The following GPHN variants were observed in gnomAD, a reference collection of about 807,000 sequenced individuals.
GPHN encodes gephyrin.
In GPHN, 17 loss-of-function variants were observed where a neutral mutation model predicts 95.5. That is an observed-to-expected ratio of 0.18 (90% confidence interval 0.12 to 0.27). The LOEUF (loss-of-function observed/expected upper bound fraction) is 0.27. Among genes scored for constraint, GPHN ranks in the 10% least tolerant of loss-of-function variants. The pLI, the probability that GPHN is intolerant of heterozygous loss-of-function variation, is 1.00. For synonymous variants in GPHN, 320 were observed against 322.5 expected (o/e 0.99, Z 0.08); for missense variants, 660 against 978.1 (o/e 0.67, Z 4.34).
chr14:67,724,110 T>A, the GPHN span, among the ~76,000 whole-genome samples: 1 of 120,648 alleles, frequency 8.3e-6, no homozygotes, highest in South Asian at 4.6e-4. Flanking sequence ...CATGCATATG[T>A]TTTGAATGTA....
the GPHN span, chr14:67,653,400 G>A: frequency 6.9e-6 from 11 of 1,592,974 alleles, no homozygotes; most frequent in Non-Finnish European, 9.5e-6. Context: ...GAAAGCCACT[G>A]AGTTAAGAGA....
At chr14:67,724,552 G>A in the GPHN span, 1 of 1,613,984 alleles carries the variant, frequency 6.2e-7, no homozygotes, top group Admixed American at 1.7e-5. Context: ...CGCCAACACG[G>A]GCATTGGCAA....
the GPHN span, among the ~76,000 whole-genome samples, chr14:67,267,314 A>C: frequency 6.6e-6 from 1 of 151,950 alleles, no homozygotes; most frequent in East Asian, 1.9e-4. Flanking sequence ...GCTGGAGTGC[A>C]ATGGTGCAAT....
intron 8 of GPHN, among the ~76,000 whole-genome samples, chr14:66,942,868 A>C (rs1306440003): frequency 6.6e-6 from 1 of 152,202 alleles, no homozygotes; most frequent in East Asian, 1.9e-4. Flanking sequence ...TATTAAATAT[A>C]TTAGAGGTTT....
chr14:66,960,766 C>T (rs1170585160), intron 8 of GPHN, among the ~76,000 whole-genome samples: 2 of 152,022 alleles, frequency 1.3e-5, no homozygotes, highest in Non-Finnish European at 2.9e-5. Flanking sequence ...AGAATAGAAC[C>T]TTCTCAGGTC....
intron 2 of GPHN, among the ~76,000 whole-genome samples, chr14:66,756,472 C>T (rs1203039424): frequency 6.6e-6 from 1 of 152,034 alleles, no homozygotes; most frequent in East Asian, 1.9e-4. Flanking sequence ...CTCGAGCATC[C>T]TCTGCATTTT....
intron 1 of GPHN, among the ~76,000 whole-genome samples, chr14:66,606,711 G>C (rs2062553281): frequency 6.6e-6 from 1 of 151,968 alleles, no homozygotes. Context: ...TGTATGCATA[G>C]GTTTTTGCTA....
chr14:67,655,059 G>T, the GPHN span, among the ~76,000 whole-genome samples: 1 of 129,742 alleles, frequency 7.7e-6, no homozygotes, highest in East Asian at 2.3e-4. Flanking sequence ...AAAAATTCCA[G>T]CTGGGCACAG....
the GPHN span, among the ~76,000 whole-genome samples, chr14:67,344,526 C>T: frequency 0.012 from 1,816 of 152,138 alleles, 19 homozygotes; most frequent in Non-Finnish European, 0.018. Context: ...CATGCACAAA[C>T]GATGTTTATT....
chr14:66,909,416 A>G (rs1422989786), intron 5 of GPHN, among the ~76,000 whole-genome samples: 1 of 152,116 alleles, frequency 6.6e-6, no homozygotes, highest in Non-Finnish European at 1.5e-5. Context: ...ATGGATGTGA[A>G]AACTTCAAAA....
At chr14:67,240,326 G>C in the GPHN span, among the ~76,000 whole-genome samples, 1 of 152,168 alleles carries the variant, frequency 6.6e-6, no homozygotes, top group Non-Finnish European at 1.5e-5. Context: ...GGGGAAGAAT[G>C]TGAAAGAGCT....
At chr14:67,434,601 C>A in the GPHN span, among the ~76,000 whole-genome samples, 1 of 152,136 alleles carries the variant, frequency 6.6e-6, no homozygotes, top group Non-Finnish European at 1.5e-5. Context: ...AGACTCTAAG[C>A]AAACCACAGA....
the GPHN span, among the ~76,000 whole-genome samples, chr14:67,480,630 T>G: frequency 6.6e-6 from 1 of 152,196 alleles, no homozygotes; most frequent in African/African-American, 2.4e-5. Context: ...CCTCTGGACC[T>G]CCTACCCCAA....
chr14:67,221,769 A>G, the GPHN span: 15 of 1,613,042 alleles, frequency 9.3e-6, no homozygotes, highest in African/African-American at 6.7e-5. Context: ...TGTGCTATTT[A>G]TTTTTACAGG....
At chr14:66,753,837 T>A (rs1024118491) in intron 2 of GPHN, among the ~76,000 whole-genome samples, 2 of 152,024 alleles carry the variant, frequency 1.3e-5, no homozygotes, top group Non-Finnish European at 2.9e-5. Flanking sequence ...CCAAAAGAAA[T>A]CTCTGTGCCC....
intron 1 of GPHN, among the ~76,000 whole-genome samples, chr14:66,523,485 T>G (rs2058560278): frequency 6.6e-6 from 1 of 152,124 alleles, no homozygotes; most frequent in South Asian, 2.1e-4. Flanking sequence ...AATAAAGCTG[T>G]TGTAAAATAA....
At chr14:66,684,927 T>A (rs1284162488) in intron 2 of GPHN, among the ~76,000 whole-genome samples, 2 of 151,944 alleles carry the variant, frequency 1.3e-5, no homozygotes, top group South Asian at 2.1e-4. Context: ...CAGGCCCCAG[T>A]GTGTGATGTT....
chr14:66,939,619 C>A (rs778557034), intron 8 of GPHN, among the ~76,000 whole-genome samples: 20 of 152,108 alleles, frequency 1.3e-4, no homozygotes, highest in Non-Finnish European at 2.2e-4. Context: ...CCAAACTTCC[C>A]GTAACTCCAC....
chr14:67,089,139 T>TTTTTTTTTTTTTTTTTTTTTTTA, intron 12 of GPHN, 64 bp downstream of exon 12: 1 of 362,186 alleles, frequency 2.8e-6, no homozygotes, highest in Non-Finnish European at 4.0e-6. Flanking sequence ...TTTTCTTTTT[T>TTTTTTTTTTTTTTTTTTTTTTTA]TTTTTTTTTT....
Sources: gnomAD v4.1 joint callset for allele counts (sites outside exome capture counted in the v4.1 genomes callset) on GRCh38, gnomAD v4.1.1 for gene constraint, MANE v1.5 for transcripts, NCBI Gene and HGNC (gene_info 2026-07-23, HGNC 2026-07-21) for gene names.